TRAPPC9: variants seen among roughly 807,000 people sequenced by gnomAD.
TRAPPC9 encodes IKK2 binding protein.
In TRAPPC9, 83 loss-of-function variants were observed where a neutral mutation model predicts 124.0. The observed-to-expected ratio is 0.67, with a 90% CI of 0.56 to 0.80. The LOEUF is 0.80. Among genes scored for constraint, TRAPPC9 ranks in the 30% least tolerant of loss-of-function variants. TRAPPC9 has a pLI of 0.00. For missense variants in TRAPPC9, 1,302 were observed against 1,508.3 expected, an observed-to-expected ratio of 0.86 and a Z score of 2.27; for synonymous variants, 638 against 617.5, an observed-to-expected ratio of 1.03 and a Z score of -0.49.
At chr8:139,996,638 T>A (rs1486915622) in intron 18 of TRAPPC9, among the ~76,000 whole-genome samples, 4 of 152,036 alleles carry the variant, frequency 2.6e-5, no homozygotes, top group Non-Finnish European at 5.9e-5. Flanking sequence ...ATGCCATTTT[T>A]AAATAAATAA....
intron 21 of TRAPPC9, among the ~76,000 whole-genome samples, chr8:139,809,193 A>AG (rs1197475748): frequency 2.0e-5 from 3 of 152,244 alleles, no homozygotes; most frequent in Non-Finnish European, 4.4e-5. Context: ...CAAACAAGAG[A>AG]GAAAAAGTCA....
At chr8:140,047,129 G>T (rs958482827) in intron 17 of TRAPPC9, among the ~76,000 whole-genome samples, 1 of 152,138 alleles carries the variant, frequency 6.6e-6, no homozygotes, top group South Asian at 2.1e-4. Flanking sequence ...AGCCTCTCCC[G>T]GCACAGCCTC....
rs1452768539 is a variant in TRAPPC9 at position 139,965,968 on chromosome 8, C to T, written c.2810+22758G>A. ...AAGGCCTTCCGGCACAGCACCAGGC[C>T]TGTCTGCGGGAGGCTTTGCAAGGGG... On this transcript the variant is annotated intron_variant, in intron 19 of 22. Transcript: ENST00000438773. Among the ~76,000 whole-genome samples the T allele has an allele frequency of 2.6e-5, 4 of 152,244 alleles. No homozygotes were observed. The East Asian group carries it at 7.7e-4, about 29-fold the overall frequency.
chr8:140,316,977 C>A (rs542095196), intron 9 of TRAPPC9, among the ~76,000 whole-genome samples: 1 of 152,286 alleles, frequency 6.6e-6, no homozygotes, highest in East Asian at 1.9e-4. Flanking sequence ...CAGTTATCCA[C>A]GTCTTCTAGG....
At chr8:139,790,267 C>T (rs1822563332) in intron 21 of TRAPPC9, among the ~76,000 whole-genome samples, 1 of 152,262 alleles carries the variant, frequency 6.6e-6, no homozygotes. Context: ...AAGTGCTCTG[C>T]TGCCGCTGAC....
At chr8:140,336,207 C>T (rs1471289757) in intron 9 of TRAPPC9, among the ~76,000 whole-genome samples, 1 of 152,118 alleles carries the variant, frequency 6.6e-6, no homozygotes, top group African/African-American at 2.4e-5. Flanking sequence ...CCTGAGGTCA[C>T]GGGACTTAAC....
At chr8:140,247,218 T>A (rs903794888) in intron 16 of TRAPPC9, among the ~76,000 whole-genome samples, 2 of 152,232 alleles carry the variant, frequency 1.3e-5, no homozygotes, top group Non-Finnish European at 2.9e-5. Context: ...CAAGAAATCA[T>A]GAGAATTTAA....
At chr8:140,197,059 G>A (rs981220647) in intron 17 of TRAPPC9, among the ~76,000 whole-genome samples, 2 of 152,238 alleles carry the variant, frequency 1.3e-5, no homozygotes, top group Admixed American at 1.3e-4. Flanking sequence ...ATAGGTGAGT[G>A]CATCATAGAT....
At chr8:139,805,257 G>A (rs1434168634) in intron 21 of TRAPPC9, among the ~76,000 whole-genome samples, 2 of 152,222 alleles carry the variant, frequency 1.3e-5, no homozygotes, top group Non-Finnish European at 2.9e-5. Flanking sequence ...AATCTAGCGT[G>A]GCGTGAGGTG....
intron 20 of TRAPPC9, among the ~76,000 whole-genome samples, chr8:139,889,642 T>C (rs188583743): frequency 1.8e-3 from 267 of 152,280 alleles, no homozygotes; most frequent in African/African-American, 6.3e-3. Flanking sequence ...CGAAGGTAGA[T>C]TTTCTTAAAA....
chr8:140,011,503 T>A (rs2131848789), intron 18 of TRAPPC9, among the ~76,000 whole-genome samples: 1 of 130,572 alleles, frequency 7.7e-6, no homozygotes, highest in East Asian at 2.1e-4. Context: ...AAGGCATACT[T>A]TTTTTTTTTT....
At chr8:139,994,905 C>T (rs553554502) in intron 18 of TRAPPC9, among the ~76,000 whole-genome samples, 24 of 151,714 alleles carry the variant, frequency 1.6e-4, no homozygotes, top group African/African-American at 4.4e-4. Flanking sequence ...TGGGGAAATA[C>T]TCATATTTCA....
chr8:140,142,441 G>A (rs796584104), intron 17 of TRAPPC9, among the ~76,000 whole-genome samples: 13 of 152,226 alleles, frequency 8.5e-5, no homozygotes, highest in Admixed American at 5.9e-4. Flanking sequence ...CAGCAGCCCC[G>A]GTGTCCACAT....
intron 21 of TRAPPC9, among the ~76,000 whole-genome samples, chr8:139,786,876 G>A (rs535155659): frequency 3.9e-5 from 6 of 152,260 alleles, no homozygotes; most frequent in African/African-American, 1.2e-4. Context: ...GTCAGTGATC[G>A]GAGGGGAAGG....
intron 17 of TRAPPC9, among the ~76,000 whole-genome samples, chr8:140,215,703 C>T (rs1013950582): frequency 4.0e-5 from 6 of 151,740 alleles, no homozygotes; most frequent in African/African-American, 7.3e-5. Flanking sequence ...CACCCACAGA[C>T]GCGGCGAACT....
At chr8:140,234,304 G>A (rs2063679039) in intron 16 of TRAPPC9, among the ~76,000 whole-genome samples, 1 of 152,192 alleles carries the variant, frequency 6.6e-6, no homozygotes, top group Non-Finnish European at 1.5e-5. Context: ...CAACCCTGGT[G>A]CCAAAAAGCC....
intron 11 of TRAPPC9, among the ~76,000 whole-genome samples, chr8:140,297,359 CAT>C (rs1228308008): frequency 1.3e-5 from 2 of 152,026 alleles, no homozygotes; most frequent in African/African-American, 4.8e-5. Flanking sequence ...GACACACACA[CAT>C]ACACGCATAC....
At chr8:140,119,984 C>G (rs567418909) in intron 17 of TRAPPC9, among the ~76,000 whole-genome samples, 3 of 152,190 alleles carry the variant, frequency 2.0e-5, no homozygotes, top group Admixed American at 6.5e-5. Flanking sequence ...CATTCAGATT[C>G]CAGGATGCCA....
chr8:139,960,219 T>A (rs1835289088), intron 19 of TRAPPC9, among the ~76,000 whole-genome samples: 1 of 152,082 alleles, frequency 6.6e-6, no homozygotes, highest in South Asian at 2.1e-4. Flanking sequence ...ATGCAGCTGC[T>A]GTCCACAGAC....
Sources: allele counts gnomAD v4.1 joint callset (sites outside exome capture counted in the v4.1 genomes callset), GRCh38; gene constraint gnomAD v4.1.1; transcripts MANE v1.5; gene names NCBI Gene and HGNC (gene_info 2026-07-23, HGNC 2026-07-21).